SYT1: variants seen among roughly 807,000 people sequenced by gnomAD.
SYT1 encodes the protein synaptotagmin 1.
In SYT1, 8 loss-of-function variants were observed where a neutral mutation model predicts 44.8. The observed-to-expected ratio is 0.18, with a 90% CI of 0.10 to 0.32. The LOEUF (loss-of-function observed/expected upper bound fraction) is 0.32. Ranked by LOEUF, SYT1 falls within the 10% of genes least tolerant of loss-of-function variation. The pLI is 1.00. For synonymous variants in SYT1, 154 were observed against 188.8 expected, an observed-to-expected ratio of 0.82 and a Z score of 1.51; for missense variants, 286 against 509.3, an observed-to-expected ratio of 0.56 and a Z score of 4.22.
intron 5 of SYT1, 65 bp downstream of exon 5, chr12:79,286,036 A>G: frequency 1.3e-6 from 2 of 1,504,120 alleles, no homozygotes; most frequent in Non-Finnish European, 1.8e-6. Context: ...GTATTATTTT[A>G]TGCCATATAA....
chr12:78,938,314 A>G (rs1246833758), intron 1 of SYT1, among the ~76,000 whole-genome samples: 1 of 152,144 alleles, frequency 6.6e-6, no homozygotes, highest in African/African-American at 2.4e-5. Flanking sequence ...TCAGTAAGCC[A>G]TGTCTGACAA....
chr12:79,173,292 G>A (rs146196390), intron 3 of SYT1, among the ~76,000 whole-genome samples: 60 of 152,124 alleles, frequency 3.9e-4, no homozygotes, highest in African/African-American at 1.4e-3. Flanking sequence ...ATCTGATAGA[G>A]CAGCATGCAG....
chr12:79,331,825 C>T (rs1467952946), intron 8 of SYT1, among the ~76,000 whole-genome samples: 1 of 146,072 alleles, frequency 6.8e-6, no homozygotes, highest in Non-Finnish European at 1.5e-5. Flanking sequence ...AGGTAAAAGC[C>T]ACAAAAAAAA....
chr12:79,221,770 G>C (rs1393288887), intron 4 of SYT1, among the ~76,000 whole-genome samples: 1 of 152,058 alleles, frequency 6.6e-6, no homozygotes, highest in East Asian at 1.9e-4. Context: ...AATTATTGTG[G>C]CTATTATTAT....
At chr12:78,952,855 C>T (rs1359702619) in intron 1 of SYT1, among the ~76,000 whole-genome samples, 4 of 152,060 alleles carry the variant, frequency 2.6e-5, no homozygotes, top group African/African-American at 7.2e-5. Context: ...AAATCACATT[C>T]TATATGCTGA....
At chr12:79,274,695 T>C (rs1325157253) in intron 4 of SYT1, among the ~76,000 whole-genome samples, 1 of 152,136 alleles carries the variant, frequency 6.6e-6, no homozygotes, top group South Asian at 2.1e-4. Context: ...GTACTCTTCC[T>C]GGGTAACCTA....
chr12:79,263,163 C>T (rs1038967884), intron 4 of SYT1, among the ~76,000 whole-genome samples: 2 of 152,112 alleles, frequency 1.3e-5, no homozygotes, highest in African/African-American at 4.8e-5. Flanking sequence ...TCACCACTTA[C>T]AAGTCAGTGA....
At chr12:79,147,962 C>G (rs1439582433) in intron 3 of SYT1, among the ~76,000 whole-genome samples, 2 of 152,004 alleles carry the variant, frequency 1.3e-5, no homozygotes, top group East Asian at 3.9e-4. Flanking sequence ...ATAATATAAT[C>G]CACAACAGGT....
chr12:79,193,646 C>T (rs58640966), intron 3 of SYT1, among the ~76,000 whole-genome samples: 7,313 of 149,864 alleles, frequency 0.049, 348 homozygotes, highest in African/African-American at 0.12. Context: ...AAGAATCGTT[C>T]ATGCCCAGCA....
At chr12:79,305,246 A>C (rs1880336184) in intron 8 of SYT1, among the ~76,000 whole-genome samples, 2 of 152,210 alleles carry the variant, frequency 1.3e-5, no homozygotes, top group African/African-American at 2.4e-5. Flanking sequence ...ATTCCCTAGA[A>C]AAGTAATATA....
At chr12:79,172,617 A>C (rs1210008932) in intron 3 of SYT1, among the ~76,000 whole-genome samples, 1 of 151,760 alleles carries the variant, frequency 6.6e-6, no homozygotes. Context: ...ATCTAATATG[A>C]TGGTATTTAT....
At chr12:79,035,242 C>A (rs2137689635) in intron 2 of SYT1, among the ~76,000 whole-genome samples, 1 of 151,800 alleles carries the variant, frequency 6.6e-6, no homozygotes, top group South Asian at 2.1e-4. Context: ...ACATAATTTT[C>A]TCTTCTTCAG....
chr12:79,189,748 A>G (rs1395380276), intron 3 of SYT1, among the ~76,000 whole-genome samples: 1 of 152,124 alleles, frequency 6.6e-6, no homozygotes, highest in Non-Finnish European at 1.5e-5. Flanking sequence ...TACTAAAAAT[A>G]CAAAAATTAG....
At position 79,030,250 on chromosome 12, in the gene SYT1, G is replaced by C. The variant is rs374949602; in HGVS notation, c.-83-17047G>C. 4.0e-5 allele frequency among the ~76,000 whole-genome samples: 6 copies of C among 150,870 alleles called. No homozygotes were observed. The East Asian group carries it at 1.2e-3, about 29-fold the overall frequency. On this transcript the variant is annotated intron_variant, in intron 2 of 10. Transcript: ENST00000261205. Reference sequence around the variant, plus strand: ...CATGAGAAACCTGAATTTGCTCTTTGTTGCCCTTTGTGACCTTATTCTAAG... The same window carrying C: ...CATGAGAAACCTGAATTTGCTCTTTCTTGCCCTTTGTGACCTTATTCTAAG...
intron 3 of SYT1, among the ~76,000 whole-genome samples, chr12:79,140,286 A>C (rs1869472304): frequency 6.6e-6 from 1 of 152,174 alleles, no homozygotes; most frequent in Non-Finnish European, 1.5e-5. Flanking sequence ...TTCTGCACAC[A>C]AGAATCCCAT....
chr12:79,098,483 T>C (rs1406628351), intron 3 of SYT1, among the ~76,000 whole-genome samples: 1 of 152,142 alleles, frequency 6.6e-6, no homozygotes, highest in Non-Finnish European at 1.5e-5. Context: ...TCTATGTCAG[T>C]TAATATTATT....
At chr12:79,211,073 T>G (rs752490302) in intron 3 of SYT1, among the ~76,000 whole-genome samples, 3 of 152,084 alleles carry the variant, frequency 2.0e-5, no homozygotes, top group Non-Finnish European at 4.4e-5. Context: ...ATTTTGAGAA[T>G]GTAGACATAT....
chr12:78,945,179 GTTTT>G (rs1237663049), intron 1 of SYT1, among the ~76,000 whole-genome samples: 2 of 151,982 alleles, frequency 1.3e-5, no homozygotes, highest in African/African-American at 4.8e-5. Context: ...CAATTCAGCT[GTTTT>G]TTTGTTTCAG....
intron 3 of SYT1, among the ~76,000 whole-genome samples, chr12:79,184,264 T>G (rs1771517291): frequency 6.6e-6 from 1 of 152,034 alleles, no homozygotes; most frequent in Non-Finnish European, 1.5e-5. Context: ...GAAAAAAACA[T>G]AGGTTGTAAT....
Sources: gnomAD v4.1 joint callset for allele counts (sites outside exome capture counted in the v4.1 genomes callset) on GRCh38, gnomAD v4.1.1 for gene constraint, MANE v1.5 for transcripts, NCBI Gene and HGNC (gene_info 2026-07-23, HGNC 2026-07-21) for gene names.